Variants in KCNMA1 observed in about 807,000 individuals in gnomAD.
KCNMA1 encodes the protein potassium calcium-activated channel subfamily M alpha 1.
In KCNMA1, 29 loss-of-function variants were observed where a neutral mutation model predicts 140.0. That is an observed-to-expected ratio of 0.21 (90% confidence interval 0.15 to 0.28). KCNMA1 has a LOEUF of 0.28. Ranked by LOEUF, KCNMA1 falls within the 10% of genes least tolerant of loss-of-function variation. The pLI is 1.00. For missense variants in KCNMA1, 880 were observed against 1,602.2 expected, an observed-to-expected ratio of 0.55 and a Z score of 7.70; for synonymous variants, 612 against 611.9, an observed-to-expected ratio of 1.00 and a Z score of 0.00.
intron 19 of KCNMA1, among the ~76,000 whole-genome samples, chr10:76,975,807 C>T (rs535655290): frequency 4.6e-5 from 7 of 152,194 alleles, no homozygotes; most frequent in African/African-American, 1.4e-4. Flanking sequence ...TTTGAAAGAT[C>T]GTGGCTAATA....
chr10:77,393,963 C>G (rs1393040062), intron 2 of KCNMA1, among the ~76,000 whole-genome samples: 1 of 152,222 alleles, frequency 6.6e-6, no homozygotes, highest in African/African-American at 2.4e-5. Context: ...TTACCAGGCC[C>G]CCACTGACCT....
In KCNMA1 at chr10:77,637,695, A is replaced by C; in HGVS notation, c.-53T>G. 4.2e-6 allele frequency: 6 copies of C among 1,436,742 alleles called. No homozygotes were observed. The highest frequency in any genetic ancestry group is 4.5e-6 in the Non-Finnish European group (5 of 1,108,200). The allele number at this position is 1,436,742 out of a possible 1,614,324, so 89.0% of individuals were successfully genotyped here. On this transcript the variant is annotated 5_prime_UTR_variant, in exon 1 of 28. Coordinates refer to ENST00000286628, the MANE Select transcript of KCNMA1 (RefSeq NM_001161352.2). Reference sequence around the variant, plus strand: ...GCTCGGGGGAGCTCCTCCCGCCGCCAGCGCCACCCCAAACACCCATCAACA... The same window carrying C: ...GCTCGGGGGAGCTCCTCCCGCCGCCCGCGCCACCCCAAACACCCATCAACA...
chr10:77,202,711 G>GT (rs1255216829), intron 3 of KCNMA1, among the ~76,000 whole-genome samples: 1 of 152,172 alleles, frequency 6.6e-6, no homozygotes, highest in Non-Finnish European at 1.5e-5. Flanking sequence ...TAGAAGAGAT[G>GT]TTTTGGAGTA....
chr10:77,150,017 A>G (rs914927663), intron 5 of KCNMA1: 13 of 151,722 alleles, frequency 8.6e-5, no homozygotes, highest in Admixed American at 6.6e-5. Context: ...GATAAGAAAA[A>G]CTCCAGAAGT....
intron 5 of KCNMA1, among the ~76,000 whole-genome samples, chr10:77,164,597 T>G (rs755722487): frequency 5.3e-5 from 8 of 151,968 alleles, no homozygotes; most frequent in Non-Finnish European, 1.0e-4. Context: ...TCCTAGCTCT[T>G]CCTCCTCTAG....
chr10:77,190,543 C>T (rs1265870337), intron 3 of KCNMA1, among the ~76,000 whole-genome samples: 1 of 152,140 alleles, frequency 6.6e-6, no homozygotes, highest in African/African-American at 2.4e-5. Context: ...TCTACAGAGC[C>T]TCGCCTGGGG....
At chr10:77,096,957 C>A (rs778993649) in intron 9 of KCNMA1, among the ~76,000 whole-genome samples, 23 of 152,266 alleles carry the variant, frequency 1.5e-4, no homozygotes, top group East Asian at 3.9e-4. Context: ...AGAGAACCAG[C>A]AGCACTGTAT....
chr10:77,486,673 T>C (rs1455450473), intron 1 of KCNMA1, among the ~76,000 whole-genome samples: 1 of 152,238 alleles, frequency 6.6e-6, no homozygotes, highest in Admixed American at 6.5e-5. Flanking sequence ...TCTGCTTCTA[T>C]CTGTCACTCC....
At chr10:77,438,650 T>C (rs531560670) in intron 1 of KCNMA1, among the ~76,000 whole-genome samples, 8 of 151,816 alleles carry the variant, frequency 5.3e-5, no homozygotes, top group Non-Finnish European at 7.4e-5. Flanking sequence ...TTTTTACAAA[T>C]GAGGAAACTG....
At chr10:77,067,130 T>C (rs1443191810) in intron 14 of KCNMA1, among the ~76,000 whole-genome samples, 1 of 152,174 alleles carries the variant, frequency 6.6e-6, no homozygotes, top group African/African-American at 2.4e-5. Flanking sequence ...TGTTTCTGCA[T>C]GAGATTAACA....
chr10:77,623,707 A>C (rs1271812457), intron 1 of KCNMA1, among the ~76,000 whole-genome samples: 8 of 152,128 alleles, frequency 5.3e-5, no homozygotes, highest in African/African-American at 1.9e-4. Context: ...CGTCTCAAAA[A>C]AAAAAAAAGA....
At chr10:77,329,581 C>A (rs558998986) in intron 2 of KCNMA1, among the ~76,000 whole-genome samples, 10 of 152,300 alleles carry the variant, frequency 6.6e-5, no homozygotes, top group Admixed American at 2.6e-4. Flanking sequence ...ACCACACAGT[C>A]TAGGTATTTT....
chr10:77,610,312 C>T (rs1161751781), intron 1 of KCNMA1, among the ~76,000 whole-genome samples: 1 of 152,236 alleles, frequency 6.6e-6, no homozygotes, highest in Non-Finnish European at 1.5e-5. Flanking sequence ...TGAAACCCAA[C>T]CCAGCCCTTT....
Position 76,889,497 on chromosome 10 carries a change from G to A in KCNMA1, c.3415C>T (p.Arg1139Trp), listed in dbSNP as rs2151798038. The A allele has an allele frequency of 1.2e-6, 2 of 1,613,950 alleles. No individual in the cohort carries two copies. The highest frequency in any genetic ancestry group is 1.7e-5 in the Admixed American group (1 of 60,010). Residue 1139 changes from arginine (R) to tryptophan (W), a missense_variant, in exon 27 of 28, where the codon CGG (arginine) becomes TGG (tryptophan). Physicochemically the swap from Arg to Trp is moderately radical, Grantham distance 101. Around this residue, in one of 13 missense-constraint regions of KCNMA1, gnomAD observed 115 missense variants for 139.9 expected, o/e 0.82. Transcript: ENST00000286628. ...GTGCTGAGGTGAGCATCTCTCAGCC[G>A]GTAAATTCCAAAACAAAGCATATTA... ...TYNMLCFGIY[R>W]LRDAHLSTPS...
chr10:77,026,624 C>G (rs773571512), intron 16 of KCNMA1, among the ~76,000 whole-genome samples: 9 of 151,828 alleles, frequency 5.9e-5, no homozygotes, highest in Non-Finnish European at 8.8e-5. Context: ...CCATGTTCTA[C>G]ATATGGCCAC....
chr10:77,330,233 T>G (rs1424820700), intron 2 of KCNMA1, among the ~76,000 whole-genome samples: 1 of 152,270 alleles, frequency 6.6e-6, no homozygotes, highest in East Asian at 1.9e-4. Context: ...AAAAACATAA[T>G]GGCCACAATT....
intron 18 of KCNMA1, among the ~76,000 whole-genome samples, chr10:77,010,423 T>C (rs558200132): frequency 1.9e-4 from 29 of 151,984 alleles, no homozygotes; most frequent in Non-Finnish European, 3.7e-4. Context: ...TTGTTCTCTC[T>C]TAGATGCTCT....
intron 1 of KCNMA1, among the ~76,000 whole-genome samples, chr10:77,543,087 G>C (rs1270087102): frequency 6.6e-6 from 1 of 151,514 alleles, no homozygotes; most frequent in East Asian, 1.9e-4. Context: ...CAGAAACACA[G>C]GTTCCAGGGC....
Position 77,637,770 on chromosome 10 carries a change from G to GA in KCNMA1, c.-129dup. On this transcript the variant is annotated 5_prime_UTR_variant, in exon 1 of 28. Coordinates refer to ENST00000286628, the MANE Select transcript of KCNMA1 (RefSeq NM_001161352.2). ...CCGCCGCCGCCGCCGCGGAGCGCGG[G>GA]AGGGGGGCGGGGAGGCGCCTGGGCT... The GA allele has an allele frequency of 1.5e-6, 2 of 1,302,642 alleles. No individual in the cohort carries two copies. The highest frequency in any genetic ancestry group is 1.9e-6 in the Non-Finnish European group (2 of 1,037,170). 80.7% of individuals were successfully genotyped at this position (1,302,642 alleles called of 1,614,324 possible).
Sources: gnomAD v4.1 joint callset for allele counts (sites outside exome capture counted in the v4.1 genomes callset) on GRCh38, gnomAD v4.1.1 for gene constraint, gnomAD v4.1.1 regional missense constraint, MANE v1.5 for transcripts, NCBI Gene and HGNC (gene_info 2026-07-23, HGNC 2026-07-21) for gene names.